The following ZNF714 variants were observed in gnomAD, a reference collection of about 807,000 sequenced individuals.
ZNF714 encodes zinc finger protein 714.
ZNF714 carries 32 observed loss-of-function variants against 46.2 expected under a neutral mutation model. That is an observed-to-expected ratio of 0.69 (90% CI 0.52 to 0.93). The LOEUF (loss-of-function observed/expected upper bound fraction) is 0.93. ZNF714 is among the 40% of genes least tolerant of loss of function. ZNF714 has a pLI of 0.00. For missense variants in ZNF714, 635 were observed against 646.3 expected, an observed-to-expected ratio of 0.98 and a Z score of 0.19; for synonymous variants, 199 against 213.1, an observed-to-expected ratio of 0.93 and a Z score of 0.58.
chr19:21,108,706 CTTCT>C (rs1969378577), intron 4 of ZNF714, among the ~76,000 whole-genome samples: 1 of 151,908 alleles, frequency 6.6e-6, no homozygotes, highest in African/African-American at 2.4e-5. Context: ...CCAAATAAAC[CTTCT>C]TTCTTTATAA....
chr19:21,084,701 A>AC (rs1289865612), intron 2 of ZNF714, among the ~76,000 whole-genome samples: 1 of 145,724 alleles, frequency 6.9e-6, no homozygotes, highest in South Asian at 2.1e-4. Context: ...AAAGGTAGGA[A>AC]ATTTTTTTTT....
Position 21,084,672 on chromosome 19 carries a change from A to C in ZNF714, c.-85+603A>C, listed in dbSNP as rs370959727. Among the ~76,000 whole-genome samples the C allele has an allele frequency of 1.3e-3, 195 of 149,738 alleles. 1 individual carries two copies. Among genetic ancestry groups the C allele is most frequent in the South Asian group, 4.2e-3 (20 of 4,712 alleles). On this transcript the variant is annotated intron_variant, in intron 2 of 4. Coordinates refer to ENST00000456283, the MANE Select transcript of ZNF714 (RefSeq NM_182515.4). Reference sequence around the variant, plus strand: ...CCTCAGTTTTTTAGCTGTAAATTGCATTATATTAGTAGGGCTTGAAAGGTA... The same window carrying C: ...CCTCAGTTTTTTAGCTGTAAATTGCCTTATATTAGTAGGGCTTGAAAGGTA...
At chr19:21,115,715 ATATG>A (rs2144878628) in intron 4 of ZNF714, among the ~76,000 whole-genome samples, 1 of 151,932 alleles carries the variant, frequency 6.6e-6, no homozygotes, top group African/African-American at 2.4e-5. Flanking sequence ...TTGTGCTTAT[ATATG>A]TGTTTGTTAT....
In ZNF714 at chr19:21,082,236, C is replaced by T. The variant is rs932199865; in HGVS notation, c.-289C>T. On this transcript the variant is annotated 5_prime_UTR_variant, in exon 1 of 5. Transcript: ENST00000456283. Reference sequence around the variant, plus strand: ...CTGCAGCTGGAGCTGCAGGTCTCGCCTTCACTGCCCTGTGTCCTCTGCTCG... The same window carrying T: ...CTGCAGCTGGAGCTGCAGGTCTCGCTTTCACTGCCCTGTGTCCTCTGCTCG... The T allele has an allele frequency of 5.0e-5, 60 of 1,194,610 alleles. No homozygotes were observed. Among genetic ancestry groups the T allele is most frequent in the East Asian group, 4.7e-4 (12 of 25,290 alleles). 74.0% of individuals were successfully genotyped at this position (1,194,610 alleles called of 1,614,324 possible).
chr19:21,099,125 G>A (rs552047578), intron 4 of ZNF714, among the ~76,000 whole-genome samples: 2 of 151,990 alleles, frequency 1.3e-5, no homozygotes, highest in Admixed American at 1.3e-4. Flanking sequence ...CTTTTCCTTG[G>A]GTGAACACAC....
Position 21,124,318 on chromosome 19 carries a change from T to G in ZNF714, c.*5986T>G, listed in dbSNP as rs1437471558. The G allele has an allele frequency of 6.6e-6, 1 of 152,222 alleles. No homozygotes were observed. Among genetic ancestry groups the G allele is most frequent in the Non-Finnish European group, 1.5e-5 (1 of 68,036 alleles). 9.4% of individuals were successfully genotyped at this position (152,222 alleles called of 1,614,324 possible). On this transcript the variant is annotated 3_prime_UTR_variant, in exon 5 of 5. Coordinates refer to ENST00000456283, the MANE Select transcript of ZNF714 (RefSeq NM_182515.4). ...TATTTTCTCTTGACAGATAAAAATG[T>G]GTACTTTTTCTGTAGAACATAATAT...
At position 21,121,267 on chromosome 19, in the gene ZNF714, GTGATCTGGTCTCGATCTCCTGACCTCA is replaced by G. The variant is rs911776582; in HGVS notation, c.*2943_*2969del. The G allele has an allele frequency of 1.8e-4, 27 of 152,050 alleles. No homozygotes were observed. The highest frequency in any genetic ancestry group is 5.8e-4 in the African/African-American group (24 of 41,470). The allele number at this position is 152,050 out of a possible 1,614,324, so 9.4% of individuals were successfully genotyped here. ...AGGATGGTCTCAATCTCCTGACCTC[GTGATCTGGTCTCGATCTCCTGACCTCA>G]TGATCTGCCTGCCTTGACCTCCCAA... On this transcript the variant is annotated 3_prime_UTR_variant, in exon 5 of 5. Transcript: ENST00000456283.
chr19:21,093,120 G>A (rs1039271425), intron 2 of ZNF714, among the ~76,000 whole-genome samples: 1 of 151,956 alleles, frequency 6.6e-6, no homozygotes, highest in African/African-American at 2.4e-5. Flanking sequence ...TAGCCAGGAT[G>A]ATCTCAATCT....
At chr19:21,091,669 A>C (rs1273657941) in intron 2 of ZNF714, 1 of 149,360 alleles carries the variant, frequency 6.7e-6, no homozygotes, top group Non-Finnish European at 1.5e-5. Flanking sequence ...TTTGTGATTC[A>C]TCATTCCCCA....
intron 4 of ZNF714, among the ~76,000 whole-genome samples, chr19:21,100,370 A>G (rs991768890): frequency 6.6e-6 from 1 of 151,744 alleles, no homozygotes; most frequent in Admixed American, 6.6e-5. Flanking sequence ...TAAAAATACA[A>G]AAGTGGCTGG....
intron 4 of ZNF714, among the ~76,000 whole-genome samples, chr19:21,099,950 A>T (rs1324691338): frequency 6.6e-6 from 1 of 152,040 alleles, no homozygotes; most frequent in Non-Finnish European, 1.5e-5. Flanking sequence ...CCACTTTCCG[A>T]GTTCAAGTGA....
chr19:21,120,871 G>A lies in ZNF714; in HGVS notation c.*2539G>A, dbSNP rs1266003336. The A allele has an allele frequency of 6.6e-6, 1 of 151,840 alleles. No homozygotes were observed. Among genetic ancestry groups the A allele is most frequent in the African/African-American group, 2.4e-5 (1 of 41,328 alleles). 9.4% of individuals were successfully genotyped at this position (151,840 alleles called of 1,614,324 possible). On this transcript the variant is annotated 3_prime_UTR_variant, in exon 5 of 5. Coordinates refer to ENST00000456283, the MANE Select transcript of ZNF714 (RefSeq NM_182515.4). ...AATCATTTAAATTTAATTTTGGTGGGTACATAATATGAGTATATATTTATG... is the reference window on the plus strand; with the variant it reads ...AATCATTTAAATTTAATTTTGGTGGATACATAATATGAGTATATATTTATG...
intron 2 of ZNF714, among the ~76,000 whole-genome samples, chr19:21,089,129 C>T (rs562926452): frequency 1.3e-4 from 20 of 152,204 alleles, no homozygotes; most frequent in Non-Finnish European, 2.8e-4. Context: ...TAAAAAACAT[C>T]AGATAATGCA....
In ZNF714 at chr19:21,118,055, G is replaced by T. The variant is rs370427342; in HGVS notation, c.1391G>T (p.Arg464Leu). The T allele has an allele frequency of 6.8e-6, 11 of 1,612,540 alleles. 1 individual carries two copies. In the African/African-American group the frequency reaches 1.5e-4, roughly 22 times the overall value. Residue 464 changes from arginine to leucine, a missense_variant, in exon 5 of 5, where the codon CGA becomes CTA. Arg to Leu is a moderately radical substitution (Grantham distance 102). Coordinates refer to ENST00000456283, the MANE Select transcript of ZNF714 (RefSeq NM_182515.4). ...GAAGAATGTGGCAAAGCTTTCAACC[G>T]ATCCTCAAACCTTACTAAACATAAC... ...KCEECGKAFNRSSNLTKHNII... is the reference protein window; with the variant it reads ...KCEECGKAFNLSSNLTKHNII...
intron 4 of ZNF714, among the ~76,000 whole-genome samples, chr19:21,104,534 G>A (rs59926071): frequency 0.14 from 8,911 of 65,908 alleles, 634 homozygotes; most frequent in African/African-American, 0.24. Context: ...AACAGATTTG[G>A]TGTTTTAAAA....
chr19:21,103,909 A>T (rs1451591473), intron 4 of ZNF714, among the ~76,000 whole-genome samples: 3 of 152,142 alleles, frequency 2.0e-5, no homozygotes, highest in Admixed American at 2.0e-4. Context: ...GAAGCTGTAC[A>T]TTTCAGTCAT....
Position 21,117,268 on chromosome 19 carries a change from A to G in ZNF714, c.604A>G (p.Lys202Glu), listed in dbSNP as rs375364097. Residue 202 changes from lysine (K) to glutamate (E), a missense_variant, in exon 5 of 5, where the codon AAA becomes GAA. Lys to Glu is a moderately conservative substitution (Grantham distance 56). Transcript: ENST00000456283. ...KRVHTGEKPF[K>E]CEECGKAFKH... ...AGTTCATACTGGAGAGAAACCCTTC[A>G]AATGTGAAGAATGTGGCAAAGCTTT... 5.6e-6 allele frequency: 9 copies of G among 1,614,012 alleles called. No homozygotes were observed. The African/African-American group carries it at 1.2e-4, about 22-fold the overall frequency.
intron 4 of ZNF714, among the ~76,000 whole-genome samples, chr19:21,108,759 A>G (rs964233916): frequency 2.6e-5 from 4 of 152,180 alleles, no homozygotes; most frequent in Admixed American, 2.6e-4. Flanking sequence ...CAAAATAGTT[A>G]ATACAGTCTA....
intron 4 of ZNF714, among the ~76,000 whole-genome samples, chr19:21,108,096 T>C (rs1329539380): frequency 1.3e-5 from 2 of 152,078 alleles, no homozygotes; most frequent in Non-Finnish European, 2.9e-5. Context: ...GCTAATTTTT[T>C]TGGTTATTTG....
Sources: gnomAD v4.1 joint callset for allele counts (sites outside exome capture counted in the v4.1 genomes callset) on GRCh38, gnomAD v4.1.1 for gene constraint, MANE v1.5 for transcripts, NCBI Gene and HGNC (gene_info 2026-07-23, HGNC 2026-07-21) for gene names.